The following BAZ2B variants were observed in gnomAD, a reference collection of about 807,000 sequenced individuals.
BAZ2B encodes bromodomain adjacent to zinc finger domain protein 2B.
BAZ2B carries 91 observed loss-of-function variants against 246.0 expected under a neutral mutation model. That is an observed-to-expected ratio of 0.37 (90% CI 0.31 to 0.44). The LOEUF is 0.44. Among genes scored for constraint, BAZ2B ranks in the 20% least tolerant of loss-of-function variants. The pLI is 1.00. For missense variants in BAZ2B, 2,332 were observed against 2,533.7 expected, an observed-to-expected ratio of 0.92 and a Z score of 1.71; for synonymous variants, 855 against 860.0, an observed-to-expected ratio of 0.99 and a Z score of 0.10.
At position 159,462,562 on chromosome 2, in the gene BAZ2B, G is replaced by A. The variant is rs149817737; in HGVS notation, c.146-8761C>T. 214 of 885,054 alleles carry A rather than the reference G, an allele frequency of 2.4e-4. No individual in the cohort carries two copies. In the African/African-American group the frequency reaches 3.0e-3, roughly 13 times the overall value. The allele number at this position is 885,054 out of a possible 1,614,324, so 54.8% of individuals were successfully genotyped here. On this transcript the variant is annotated intron_variant, in intron 3 of 36. Coordinates refer to ENST00000392783, the MANE Select transcript of BAZ2B (RefSeq NM_013450.4). ...GATATTCATTTTCTGCATTCTCTAT[G>A]ATTTTAATAAACTCCTTGGCAGTTT...
chr2:159,560,648 C>T (rs2151496164), intron 1 of BAZ2B, among the ~76,000 whole-genome samples: 1 of 151,992 alleles, frequency 6.6e-6, no homozygotes, highest in Non-Finnish European at 1.5e-5. Flanking sequence ...CTGCCTCAGC[C>T]TCCTGAGTAG....
In BAZ2B at chr2:159,433,295, A is replaced by G. The variant is rs756062173; in HGVS notation, c.1362T>C (p.Val454=). 2.5e-6 allele frequency: 4 copies of G among 1,614,134 alleles called. No individual in the cohort carries two copies. Among genetic ancestry groups the G allele is most frequent in the Middle Eastern group, 3.3e-4 (2 of 6,062 alleles). The change falls in exon 9 of 37, where the codon GTT becomes GTC. Residue 454 remains valine (V), a synonymous_variant. Coordinates refer to ENST00000392783, the MANE Select transcript of BAZ2B (RefSeq NM_013450.4). ...KQESSKSLKK[V]IAALSNPKAT... is the part of the protein sequence containing the mutation. Reference sequence around the variant, plus strand: ...CTTTTGGATTTGACAAAGCTGCAATAACCTTCTTCAGGCTCTTCGATGACT... The same window carrying G: ...CTTTTGGATTTGACAAAGCTGCAATGACCTTCTTCAGGCTCTTCGATGACT...
chr2:159,402,264 G>T (rs1193505662), intron 16 of BAZ2B, among the ~76,000 whole-genome samples: 1 of 151,990 alleles, frequency 6.6e-6, no homozygotes, highest in African/African-American at 2.4e-5. Context: ...AACAGTGCTA[G>T]GTGGTGAAAC....
intron 20 of BAZ2B, 118 bp downstream of exon 20, chr2:159,395,651 T>A (rs1158563855): frequency 1.1e-6 from 1 of 904,766 alleles, no homozygotes; most frequent in Non-Finnish European, 1.6e-6. Context: ...GGTTTGCATA[T>A]GAAAACCAGT....
intron 26 of BAZ2B, among the ~76,000 whole-genome samples, chr2:159,373,809 G>A (rs1045677949): frequency 2.6e-5 from 4 of 152,126 alleles, no homozygotes; most frequent in Non-Finnish European, 5.9e-5. Flanking sequence ...AGGTGCCAGA[G>A]CAAGACTCTG....
At chr2:159,475,630 G>C (rs1472771160) in intron 3 of BAZ2B, among the ~76,000 whole-genome samples, 1 of 152,192 alleles carries the variant, frequency 6.6e-6, no homozygotes, top group African/African-American at 2.4e-5. Flanking sequence ...AGGAGAAGAG[G>C]TGTTCCGGTT....
intron 1 of BAZ2B, among the ~76,000 whole-genome samples, chr2:159,579,685 G>A (rs1686248558): frequency 6.6e-6 from 1 of 152,072 alleles, no homozygotes; most frequent in Non-Finnish European, 1.5e-5. Flanking sequence ...ATAAAATACT[G>A]GCAAACTGAA....
intron 1 of BAZ2B, among the ~76,000 whole-genome samples, chr2:159,570,753 T>C (rs1356894239): frequency 1.3e-5 from 2 of 152,226 alleles, no homozygotes; most frequent in Non-Finnish European, 1.5e-5. Context: ...TTGTGCTTCA[T>C]AGCACTCCCT....
the BAZ2B span, among the ~76,000 whole-genome samples, chr2:159,629,419 C>T: frequency 2.0e-5 from 3 of 152,146 alleles, no homozygotes; most frequent in East Asian, 1.9e-4. Flanking sequence ...GACTTGGAAC[C>T]GACCCAAATG....
At chr2:159,515,249 G>A (rs2083312902) in intron 2 of BAZ2B, among the ~76,000 whole-genome samples, 1 of 151,780 alleles carries the variant, frequency 6.6e-6, no homozygotes, top group Non-Finnish European at 1.5e-5. Context: ...CCTCTACTCT[G>A]AACAATTTTA....
chr2:159,368,048 T>C (rs909259125), intron 27 of BAZ2B, among the ~76,000 whole-genome samples: 6 of 152,198 alleles, frequency 3.9e-5, no homozygotes, highest in Non-Finnish European at 5.9e-5. Flanking sequence ...TATTATACAC[T>C]TGTATGTTCT....
chr2:159,564,472 A>G (rs1450590600), intron 1 of BAZ2B, among the ~76,000 whole-genome samples: 1 of 152,218 alleles, frequency 6.6e-6, no homozygotes, highest in East Asian at 1.9e-4. Flanking sequence ...AGAAAGGAGA[A>G]TCAAAACACA....
intron 13 of BAZ2B, chr2:159,419,855 G>A (rs532734758): frequency 2.8e-4 from 42 of 152,232 alleles, no homozygotes; most frequent in African/African-American, 9.6e-4. Flanking sequence ...GTGTCCATTC[G>A]TGCCCACGGC....
intron 2 of BAZ2B, among the ~76,000 whole-genome samples, chr2:159,521,040 AGGT>A (rs2084068268): frequency 1.3e-5 from 2 of 152,082 alleles, no homozygotes; most frequent in Non-Finnish European, 2.9e-5. Context: ...CTATTGTAAA[AGGT>A]AGTAGTCTTT....
At chr2:159,543,783 C>T (rs1441825560) in intron 2 of BAZ2B, among the ~76,000 whole-genome samples, 3 of 152,238 alleles carry the variant, frequency 2.0e-5, no homozygotes, top group Non-Finnish European at 2.9e-5. Flanking sequence ...ATCCACCTAC[C>T]TTGGCCTCCC....
At chr2:159,689,700 C>T in the BAZ2B span, 1 of 386,132 alleles carries the variant, frequency 2.6e-6, no homozygotes, top group Non-Finnish European at 4.8e-6. Context: ...ACAAAGAAAT[C>T]ATGGAGACGA....
chr2:159,686,868 C>T, the BAZ2B span, among the ~76,000 whole-genome samples: 3 of 151,956 alleles, frequency 2.0e-5, no homozygotes, highest in African/African-American at 4.8e-5. Flanking sequence ...TGGTGAAACC[C>T]TGTCTCTACT....
chr2:159,457,191 G>A (rs1352082186), intron 3 of BAZ2B, among the ~76,000 whole-genome samples: 2 of 152,068 alleles, frequency 1.3e-5, no homozygotes, highest in Non-Finnish European at 2.9e-5. Flanking sequence ...TTAAGTAACT[G>A]GCCTACAAGG....
At chr2:159,565,570 A>C (rs138973144) in intron 1 of BAZ2B, among the ~76,000 whole-genome samples, 32 of 152,292 alleles carry the variant, frequency 2.1e-4, no homozygotes, top group African/African-American at 7.7e-4. Context: ...CGAGGTCAGG[A>C]GTTCAAGACC....
Sources: allele counts gnomAD v4.1 joint callset (sites outside exome capture counted in the v4.1 genomes callset), GRCh38; gene constraint gnomAD v4.1.1; transcripts MANE v1.5; gene names NCBI Gene and HGNC (gene_info 2026-07-23, HGNC 2026-07-21).